The following SLCO1A2 variants were observed in gnomAD, a reference collection of about 807,000 sequenced individuals.
SLCO1A2 encodes solute carrier organic anion transporter family member 1A2, also known as OATP-1.
SLCO1A2 carries 67 observed loss-of-function variants against 69.0 expected under a neutral mutation model. That is an observed-to-expected ratio of 0.97 (90% confidence interval 0.80 to 1.19). The LOEUF (loss-of-function observed/expected upper bound fraction) is 1.19, where lower values mean the gene tolerates loss of function less well. SLCO1A2 is among the 50% of genes most tolerant of loss of function. The pLI, the probability that SLCO1A2 is intolerant of heterozygous loss-of-function variation, is 0.00. For missense variants in SLCO1A2, 787 were observed against 793.7 expected (o/e 0.99, Z 0.10); for synonymous variants, 260 against 265.9 (o/e 0.98, Z 0.22).
rs889343577 is a variant in SLCO1A2 at position 21,266,530 on chromosome 12, A to G, written c.*3018T>C. On this transcript the variant is annotated 3_prime_UTR_variant, in exon 15 of 15. Transcript: ENST00000683939. Reference sequence around the variant, plus strand: ...AATGTAGATAAATAATATTTATTTCATAATAATAAATGATTCTGATGGCAC... The same window carrying G: ...AATGTAGATAAATAATATTTATTTCGTAATAATAAATGATTCTGATGGCAC... The G allele has an allele frequency of 3.3e-5, 5 of 152,098 alleles. No homozygotes were observed. The highest frequency in any genetic ancestry group is 1.3e-4 in the Admixed American group (2 of 15,226). The allele number at this position is 152,098 out of a possible 1,614,324, so 9.4% of individuals were successfully genotyped here.
chr12:21,292,561 AG>A (rs1947040485), intron 11 of SLCO1A2, among the ~76,000 whole-genome samples: 2 of 151,990 alleles, frequency 1.3e-5, no homozygotes, highest in Non-Finnish European at 2.9e-5. Context: ...ATAACTAATA[AG>A]TTACCCTAAA....
Position 21,357,747 on chromosome 12 carries a change from T to C in SLCO1A2, c.-63+16652A>G, listed in dbSNP as rs182416235. 3.4e-3 allele frequency among the ~76,000 whole-genome samples: 524 copies of C among 152,278 alleles called. 4 individuals carry two copies. The highest frequency in any genetic ancestry group is 0.012 in the African/African-American group (496 of 41,540). ...TTTTTGTTTTTATCTGGAGGAATCA[T>C]CAAGCCTTTCTAAAGCTCCTAATCT... On this transcript the variant is annotated intron_variant, in intron 2 of 15. Transcript: ENST00000307378.
At chr12:21,362,971 C>CATTA (rs1680098660) in intron 2 of SLCO1A2, among the ~76,000 whole-genome samples, 1 of 152,154 alleles carries the variant, frequency 6.6e-6, no homozygotes, top group African/African-American at 2.4e-5. Flanking sequence ...CCACTGTGAA[C>CATTA]ATTAGACAGA....
chr12:21,300,573 T>TA lies in SLCO1A2; in HGVS notation c.689-5dup, dbSNP rs755485808. ...GTGGGAGTTATGATCAGATCATCTG[T>TA]AAAAAAATACACACACTGTTATTAG... On this transcript the variant is annotated splice_polypyrimidine_tract_variant and splice_region_variant and intron_variant, in intron 7 of 14. Transcript: ENST00000683939. 14 of 1,591,790 alleles carry TA rather than the reference T, an allele frequency of 8.8e-6. No homozygotes were observed. In the East Asian group the frequency reaches 9.0e-5, roughly 10 times the overall value.
chr12:21,390,028 CT>C (rs150600800), intron 1 of SLCO1A2, among the ~76,000 whole-genome samples: 1,836 of 151,708 alleles, frequency 0.012, 19 homozygotes, highest in Non-Finnish European at 0.021. Flanking sequence ...CATACTGCTT[CT>C]TCATTTTAAA....
At chr12:21,296,399 C>T (rs944501123) in intron 9 of SLCO1A2, among the ~76,000 whole-genome samples, 7 of 152,044 alleles carry the variant, frequency 4.6e-5, no homozygotes, top group African/African-American at 1.4e-4. Flanking sequence ...CAACACCACA[C>T]CTGGCTAATT....
At chr12:21,391,645 T>G (rs1941158574) in intron 1 of SLCO1A2, among the ~76,000 whole-genome samples, 1 of 152,022 alleles carries the variant, frequency 6.6e-6, no homozygotes, top group Non-Finnish European at 1.5e-5. Flanking sequence ...CTTCCTCCAC[T>G]GCCTATCAAA....
Position 21,415,541 on chromosome 12 carries a change from G to A in SLCO1A2, c.-312+2341C>T, listed in dbSNP as rs73065892. Among the ~76,000 whole-genome samples the A allele has an allele frequency of 2.3e-3, 354 of 152,048 alleles. 1 individual carries two copies. Among genetic ancestry groups the A allele is most frequent in the Non-Finnish European group, 3.3e-3 (225 of 67,964 alleles). ...TTTATATTATACTCTCATTTCTGAA[G>A]AACAATTTGGCTCACATTAAATTTA... On this transcript the variant is annotated intron_variant, in intron 1 of 4. Transcript: ENST00000413682.
intron 4 of SLCO1A2, among the ~76,000 whole-genome samples, chr12:21,307,513 TGA>T (rs1949576255): frequency 6.6e-6 from 1 of 152,162 alleles, no homozygotes; most frequent in African/African-American, 2.4e-5. Context: ...TCCATCATAA[TGA>T]GAGGCCTTAA....
chr12:21,307,048 A>T, intron 4 of SLCO1A2, 60 bp from the exon 5 acceptor site: 1 of 1,173,300 alleles, frequency 8.5e-7, no homozygotes, highest in Non-Finnish European at 1.3e-6. Flanking sequence ...AATGTGGGCA[A>T]TGTGCAGATT....
At chr12:21,350,777 T>A (rs897713146) in intron 2 of SLCO1A2, among the ~76,000 whole-genome samples, 21 of 126,070 alleles carry the variant, frequency 1.7e-4, no homozygotes, top group African/African-American at 6.1e-4. Flanking sequence ...GCAGGGGTTG[T>A]AGTGAGCCGA....
chr12:21,330,042 C>T (rs1343717171), intron 2 of SLCO1A2, among the ~76,000 whole-genome samples: 1 of 151,952 alleles, frequency 6.6e-6, no homozygotes, highest in African/African-American at 2.4e-5. Context: ...TTTCTTTTAG[C>T]CAAGTGATTA....
At chr12:21,347,765 A>T (rs1364201712) in intron 2 of SLCO1A2, among the ~76,000 whole-genome samples, 1 of 152,172 alleles carries the variant, frequency 6.6e-6, no homozygotes, top group Non-Finnish European at 1.5e-5. Flanking sequence ...ATTTAATAGC[A>T]TTATATAAAT....
intron 2 of SLCO1A2, among the ~76,000 whole-genome samples, chr12:21,350,662 C>A (rs1438813862): frequency 6.6e-6 from 1 of 151,546 alleles, no homozygotes; most frequent in Non-Finnish European, 1.5e-5. Context: ...TGGTGAAACC[C>A]CGTCTCTACT....
chr12:21,308,258 C>G (rs1241298427), intron 4 of SLCO1A2, among the ~76,000 whole-genome samples: 1 of 151,702 alleles, frequency 6.6e-6, no homozygotes, highest in Non-Finnish European at 1.5e-5. Context: ...CATGATTCCA[C>G]AAGGATAAAA....
chr12:21,303,608 T>C (rs1438845731), intron 6 of SLCO1A2, among the ~76,000 whole-genome samples: 1 of 152,146 alleles, frequency 6.6e-6, no homozygotes, highest in African/African-American at 2.4e-5. Flanking sequence ...GACCAACTAT[T>C]GATAGAATAA....
intron 2 of SLCO1A2, among the ~76,000 whole-genome samples, chr12:21,347,634 T>A (rs539661112): frequency 1.3e-5 from 1 of 75,810 alleles, no homozygotes; most frequent in African/African-American, 4.9e-5. Context: ...GAAAGAGCAA[T>A]TCCAACTCTG....
intron 1 of SLCO1A2, among the ~76,000 whole-genome samples, chr12:21,388,577 C>T (rs1941003671): frequency 6.6e-6 from 1 of 151,760 alleles, no homozygotes; most frequent in Non-Finnish European, 1.5e-5. Context: ...AACTATGAGT[C>T]CCTTAAATCT....
chr12:21,404,266 T>G (rs1193663682), intron 1 of SLCO1A2, among the ~76,000 whole-genome samples: 1 of 152,168 alleles, frequency 6.6e-6, no homozygotes, highest in African/African-American at 2.4e-5. Context: ...CCAGGATACA[T>G]GTGCAGGGCA....
Sources: gnomAD v4.1 joint callset for allele counts (sites outside exome capture counted in the v4.1 genomes callset) on GRCh38, gnomAD v4.1.1 for gene constraint, MANE v1.5 for transcripts, NCBI Gene and HGNC (gene_info 2026-07-23, HGNC 2026-07-21) for gene names.